The following ARHGEF7 variants were observed in gnomAD, a reference collection of about 807,000 sequenced individuals.
ARHGEF7 encodes the protein Rho guanine nucleotide exchange factor 7, also known as PAK-interacting exchange factor beta.
ARHGEF7 carries 33 observed loss-of-function variants against 109.8 expected under a neutral mutation model. The ratio of observed to expected loss-of-function variants is 0.30; its 90% CI spans 0.23 to 0.40. The LOEUF (loss-of-function observed/expected upper bound fraction) is 0.40, where lower values mean the gene tolerates loss of function less well. Among genes scored for constraint, ARHGEF7 ranks in the 10% least tolerant of loss-of-function variants. The probability of loss-of-function intolerance (pLI) is 1.00; values close to 1 mark genes in which losing one functional copy is unlikely to be tolerated. For synonymous variants in ARHGEF7, 458 were observed against 424.6 expected (o/e 1.08, Z -0.97); for missense variants, 938 against 1,098.5 (o/e 0.85, Z 2.07).
intron 3 of ARHGEF7, among the ~76,000 whole-genome samples, chr13:111,207,492 G>A (rs1275123052): frequency 6.6e-6 from 1 of 152,194 alleles, no homozygotes. Context: ...TATAATTAAC[G>A]TAGATCTCTG....
intron 9 of ARHGEF7, among the ~76,000 whole-genome samples, chr13:111,269,438 C>A (rs1261192803): frequency 6.6e-6 from 1 of 152,160 alleles, no homozygotes; most frequent in African/African-American, 2.4e-5. Context: ...TGCTTGCGGG[C>A]GTGTGCTGTG....
At chr13:111,290,062 T>A (rs899576161) in intron 18 of ARHGEF7, among the ~76,000 whole-genome samples, 4 of 152,222 alleles carry the variant, frequency 2.6e-5, no homozygotes, top group Non-Finnish European at 4.4e-5. Context: ...TACTACATTT[T>A]TATAATTTGA....
chr13:111,147,485 G>A (rs2075658401), intron 1 of ARHGEF7, among the ~76,000 whole-genome samples: 1 of 152,156 alleles, frequency 6.6e-6, no homozygotes, highest in Admixed American at 6.5e-5. Context: ...CGTTTGTATA[G>A]CTTCTTCAGC....
intron 4 of ARHGEF7, among the ~76,000 whole-genome samples, chr13:111,216,620 T>C (rs575286577): frequency 6.6e-6 from 1 of 152,300 alleles, no homozygotes; most frequent in South Asian, 2.1e-4. Flanking sequence ...GCCTGGACTC[T>C]GCTGATGTCG....
chr13:111,148,479 G>A (rs2075728495), intron 1 of ARHGEF7, among the ~76,000 whole-genome samples: 1 of 152,178 alleles, frequency 6.6e-6, no homozygotes, highest in East Asian at 1.9e-4. Flanking sequence ...GGGATATGCA[G>A]GCACAGGATG....
intron 9 of ARHGEF7, among the ~76,000 whole-genome samples, chr13:111,269,331 A>C (rs141492029): frequency 0.011 from 1,611 of 152,326 alleles, 15 homozygotes; most frequent in Non-Finnish European, 0.018. Flanking sequence ...GAGGAAGATG[A>C]ACAGAAAGTT....
At chr13:111,288,523 T>C in intron 18 of ARHGEF7, 80 bp downstream of exon 18, 1 of 1,170,224 alleles carries the variant, frequency 8.5e-7, no homozygotes, top group Non-Finnish European at 1.2e-6. Context: ...GAACCTGTTG[T>C]GGTAGGCCCC....
chr13:111,235,618 C>G (rs1452973567), intron 6 of ARHGEF7, among the ~76,000 whole-genome samples: 1 of 152,170 alleles, frequency 6.6e-6, no homozygotes, highest in Non-Finnish European at 1.5e-5. Context: ...ATGTAGTACT[C>G]TCATTTTACA....
intron 2 of ARHGEF7, among the ~76,000 whole-genome samples, chr13:111,169,318 C>T (rs1745400262): frequency 6.6e-6 from 1 of 152,098 alleles, no homozygotes; most frequent in Non-Finnish European, 1.5e-5. Flanking sequence ...CTCATGGTTC[C>T]ACAGGGTGTA....
At chr13:111,221,510 TATAG>T (rs1330010249) in intron 5 of ARHGEF7, among the ~76,000 whole-genome samples, 13 of 61,110 alleles carry the variant, frequency 2.1e-4, no homozygotes, top group Non-Finnish European at 3.8e-4. Flanking sequence ...TATCTATATA[TATAG>T]ATATATATCT....
At chr13:111,155,588 A>T (rs1166119001) in intron 2 of ARHGEF7, among the ~76,000 whole-genome samples, 1 of 152,236 alleles carries the variant, frequency 6.6e-6, no homozygotes, top group African/African-American at 2.4e-5. Flanking sequence ...TTTGTAATCC[A>T]GCTGCCTTAT....
At chr13:111,116,047 G>A (rs1334602593) in intron 1 of ARHGEF7, among the ~76,000 whole-genome samples, 1 of 152,194 alleles carries the variant, frequency 6.6e-6, no homozygotes, top group Non-Finnish European at 1.5e-5. Context: ...CAGCCGCATC[G>A]GAAACCGCGT....
rs79271608 is a variant in ARHGEF7, at chr13:111,117,751, G to A, written c.165+2060G>A. ...TCTCCTTCCTTCCTTCCTTCGAGAT[G>A]GGTTCTTGCTATGTTGGCCAGGCTG... On this transcript the variant is annotated intron_variant, in intron 1 of 21. Transcript: ENST00000646102. Among the ~76,000 whole-genome samples the A allele has an allele frequency of 3.1e-4, 47 of 151,554 alleles. 1 individual carries two copies. Among genetic ancestry groups the A allele is most frequent in the African/African-American group, 1.1e-3 (46 of 41,152 alleles).
At chr13:111,143,576 T>C (rs2075448668) in intron 1 of ARHGEF7, 1 of 152,008 alleles carries the variant, frequency 6.6e-6, no homozygotes, top group Admixed American at 6.5e-5. Flanking sequence ...AGCATGAAGG[T>C]GAAAGAAAAA....
chr13:111,178,576 T>C (rs1234395780), intron 2 of ARHGEF7, among the ~76,000 whole-genome samples: 1 of 152,248 alleles, frequency 6.6e-6, no homozygotes, highest in African/African-American at 2.4e-5. Flanking sequence ...TAAAAAATGC[T>C]GACCCCAGCA....
intron 4 of ARHGEF7, among the ~76,000 whole-genome samples, chr13:111,214,150 T>G (rs1204740930): frequency 6.6e-6 from 1 of 152,246 alleles, no homozygotes. Context: ...GGGTGTTGCA[T>G]TGATGAAGTA....
intron 2 of ARHGEF7, among the ~76,000 whole-genome samples, chr13:111,168,601 C>T (rs1160209473): frequency 6.6e-6 from 1 of 152,050 alleles, no homozygotes; most frequent in South Asian, 2.1e-4. Flanking sequence ...AAGGGATATC[C>T]TTATAGATTA....
chr13:111,283,195 G>T lies in ARHGEF7; in HGVS notation c.1782G>T (p.Pro594=), dbSNP rs755596825. ...SSKHADSKPA[P]LTPAYHTLPH... is the part of the protein sequence containing the mutation. ...AGCACGCAGACAGCAAGCCCGCGCC[G>T]CTGACGCCCGCCTACCACACGCTGC... The change falls in exon 16 of 22, where the codon CCG becomes CCT. Residue 594 remains proline, a synonymous_variant. Transcript: ENST00000646102. The T allele has an allele frequency of 8.8e-5, 141 of 1,595,766 alleles. No homozygotes were observed. The highest frequency in any genetic ancestry group is 1.1e-4 in the Non-Finnish European group (132 of 1,172,742).
chr13:111,244,826 G>A (rs891842644), intron 8 of ARHGEF7, among the ~76,000 whole-genome samples: 5 of 152,204 alleles, frequency 3.3e-5, no homozygotes, highest in Admixed American at 6.5e-5. Context: ...GACCATTCCA[G>A]TCAACACATT....
Sources: gnomAD v4.1 joint callset for allele counts (sites outside exome capture counted in the v4.1 genomes callset) on GRCh38, gnomAD v4.1.1 for gene constraint, MANE v1.5 for transcripts, NCBI Gene and HGNC (gene_info 2026-07-23, HGNC 2026-07-21) for gene names.